The following CALB2 variants were observed in gnomAD, a reference collection of about 807,000 sequenced individuals.
CALB2 encodes the protein calretinin.
Under a neutral mutation model 45.9 loss-of-function variants are expected in CALB2, and 34 were observed. That is an observed-to-expected ratio of 0.74 (90% CI 0.56 to 0.99). The LOEUF (loss-of-function observed/expected upper bound fraction) is 0.99. Among genes scored for constraint, CALB2 ranks in the 50% least tolerant of loss-of-function variants. The pLI is 0.00. For missense variants in CALB2, 344 were observed against 339.3 expected (o/e 1.01, Z -0.11); for synonymous variants, 142 against 129.6 (o/e 1.10, Z -0.65).
chr16:71,374,026 A>C (rs541955993), intron 2 of CALB2, among the ~76,000 whole-genome samples: 1 of 152,342 alleles, frequency 6.6e-6, no homozygotes, highest in South Asian at 2.1e-4. Context: ...AGGTGGGCTC[A>C]TCATTGATTA....
intron 1 of CALB2, among the ~76,000 whole-genome samples, chr16:71,361,164 C>G (rs2042234860): frequency 6.6e-6 from 1 of 152,176 alleles, no homozygotes; most frequent in Non-Finnish European, 1.5e-5. Flanking sequence ...TCTTCCTTGT[C>G]CATCAGACTT....
At position 71,384,388 on chromosome 16, in the gene CALB2, T is replaced by C. The variant is rs41280904; in HGVS notation, c.573+10T>C. 0.17 allele frequency: 277,093 copies of C among 1,606,590 alleles called. 25,817 individuals carry two copies. The highest frequency in any genetic ancestry group is 0.2 in the Middle Eastern group (1,194 of 6,050). On this transcript the variant is annotated intron_variant, in intron 8 of 10. Transcript: ENST00000302628. ...CCTGCTTAAATTTCAGGTAAAACTT[T>C]GCTTTCCTTCCTTCCCCCTTCCCTC...
intron 4 of CALB2, among the ~76,000 whole-genome samples, chr16:71,378,480 T>C (rs8046005): frequency 0.29 from 44,179 of 151,760 alleles, 6,550 homozygotes; most frequent in South Asian, 0.39. Context: ...GATCAGGAGT[T>C]TGAGGCTGAA....
chr16:71,385,460 A>G, intron 9 of CALB2, 117 bp from the exon 10 acceptor site: 1 of 734,034 alleles, frequency 1.4e-6, no homozygotes, highest in Non-Finnish European at 2.2e-6. Flanking sequence ...CACGATCTGA[A>G]CACCCCCTTT....
At chr16:71,387,021 C>T (rs763527567) in intron 10 of CALB2, among the ~76,000 whole-genome samples, 14 of 152,102 alleles carry the variant, frequency 9.2e-5, no homozygotes, top group African/African-American at 3.1e-4. Flanking sequence ...TGTATGTGCC[C>T]GTATGTATCC....
intron 1 of CALB2, among the ~76,000 whole-genome samples, chr16:71,366,932 A>G (rs2042294074): frequency 6.6e-6 from 1 of 152,146 alleles, no homozygotes; most frequent in African/African-American, 2.4e-5. Context: ...GTCATAGAGC[A>G]GGCGGTAGAA....
intron 5 of CALB2, among the ~76,000 whole-genome samples, 198 bp downstream of exon 5, chr16:71,382,973 C>T (rs751682954): frequency 2.0e-5 from 3 of 152,158 alleles, no homozygotes; most frequent in Non-Finnish European, 4.4e-5. Flanking sequence ...TAGATTTCAA[C>T]GAAACCCAGC....
At chr16:71,377,606 T>C (rs2042432065) in intron 3 of CALB2, 61 bp from the exon 4 acceptor site, 1 of 1,205,278 alleles carries the variant, frequency 8.3e-7, no homozygotes. Flanking sequence ...TAGGGGAAAA[T>C]CTGCTCTGCT....
chr16:71,360,497 G>C (rs1567533002), intron 1 of CALB2, among the ~76,000 whole-genome samples: 1 of 152,184 alleles, frequency 6.6e-6, no homozygotes, highest in Admixed American at 6.5e-5. Context: ...CAGCCTTTTA[G>C]TATTCCAGAT....
chr16:71,379,945 C>T (rs1472721545), intron 4 of CALB2, among the ~76,000 whole-genome samples: 1 of 152,232 alleles, frequency 6.6e-6, no homozygotes, highest in Non-Finnish European at 1.5e-5. Context: ...AATTGACATT[C>T]TAGCTTCTGT....
At chr16:71,382,605 A>T in intron 4 of CALB2, 114 bp from the exon 5 acceptor site, 4 of 962,772 alleles carry the variant, frequency 4.2e-6, no homozygotes, top group South Asian at 1.5e-5. Context: ...TCTCCATCCC[A>T]TTCCGATATT....
At position 71,389,827 on chromosome 16, in the gene CALB2, G is replaced by A; in HGVS notation, c.778G>A (p.Asp260Asn). Residue 260 changes from aspartate to asparagine, a missense_variant, in exon 11 of 11, where the codon GAC becomes AAC. Asp to Asn is a conservative substitution (Grantham distance 23, BLOSUM62 1). This residue lies in a region of CALB2 where 263 missense variants were observed against 241.7 expected (regional missense o/e 1.09). Coordinates refer to ENST00000302628, the MANE Select transcript of CALB2 (RefSeq NM_001740.5). ...AGAGGCAGGGAAGCTCTACCGCAAG[G>A]ACCTGGAGATTGTGCTCTGCAGCGA... The part of the protein sequence containing the change: ...LAEAGKLYRK[D>N]LEIVLCSEPP... The A allele has an allele frequency of 6.2e-7, 1 of 1,614,010 alleles. No individual in the cohort carries two copies. Among genetic ancestry groups the A allele is most frequent in the Non-Finnish European group, 8.5e-7 (1 of 1,179,992 alleles).
chr16:71,365,319 A>G (rs542821147), intron 1 of CALB2, among the ~76,000 whole-genome samples: 2 of 152,238 alleles, frequency 1.3e-5, no homozygotes, highest in South Asian at 4.1e-4. Context: ...TCTCTAATCT[A>G]TGGACTGCGA....
At chr16:71,372,400 T>C (rs2042362824) in intron 2 of CALB2, among the ~76,000 whole-genome samples, 171 bp downstream of exon 2, 1 of 152,176 alleles carries the variant, frequency 6.6e-6, no homozygotes, top group Admixed American at 6.5e-5. Flanking sequence ...CCTATCTCAA[T>C]ATCCTTGGGT....
At position 71,389,824 on chromosome 16, in the gene CALB2, A is replaced by G. The variant is rs2042616257; in HGVS notation, c.775A>G (p.Lys259Glu). ...GGCAGAGGCAGGGAAGCTCTACCGC[A>G]AGGACCTGGAGATTGTGCTCTGCAG... ...SLAEAGKLYR[K>E]DLEIVLCSEP... The change falls in exon 11 of 11, where the codon AAG (lysine) becomes GAG (glutamate). Residue 259 changes from lysine to glutamate, a missense_variant. Transcript: ENST00000302628. 8.1e-6 allele frequency: 13 copies of G among 1,613,996 alleles called. No individual in the cohort carries two copies. The East Asian group carries it at 2.9e-4, about 36-fold the overall frequency.
intron 10 of CALB2, among the ~76,000 whole-genome samples, chr16:71,387,388 TGAGA>T (rs1299435828): frequency 6.6e-6 from 1 of 151,918 alleles, no homozygotes; most frequent in Non-Finnish European, 1.5e-5. Context: ...GCCTGAGGAT[TGAGA>T]GAGTGAATGA....
chr16:71,370,160 T>C (rs968354727), intron 1 of CALB2, among the ~76,000 whole-genome samples: 2 of 152,242 alleles, frequency 1.3e-5, no homozygotes, highest in Non-Finnish European at 2.9e-5. Flanking sequence ...ATTCGTGCCA[T>C]ACAATATTTA....
chr16:71,383,475 G>C (rs758582606), intron 6 of CALB2, 31 bp downstream of exon 6: 7 of 1,605,392 alleles, frequency 4.4e-6, no homozygotes, highest in African/African-American at 2.7e-5. Context: ...CTCTCCCCCA[G>C]GGTGCAGGAC....
At position 71,382,755 on chromosome 16, in the gene CALB2, A is replaced by G; in HGVS notation, c.379A>G (p.Ile127Val). 6.2e-7 allele frequency: 1 copy of G among 1,612,192 alleles called. No individual in the cohort carries two copies. The highest frequency in any genetic ancestry group is 8.5e-7 in the Non-Finnish European group (1 of 1,179,132). ...RKYDTDRSGYIEANELKGFLS... is the reference protein window; with the variant it reads ...RKYDTDRSGYVEANELKGFLS... ...GTACGACACAGACAGGAGTGGCTAC[A>G]TCGAAGCCAATGAGCTCAAGGTAGG... Residue 127 changes from isoleucine (I) to valine (V), a missense_variant, in exon 5 of 11, where the codon ATC becomes GTC. Around this residue, in one of 3 missense-constraint regions of CALB2, gnomAD observed 263 missense variants for 241.7 expected, o/e 1.09. Transcript: ENST00000302628.
Sources: gnomAD v4.1 joint callset for allele counts (sites outside exome capture counted in the v4.1 genomes callset) on GRCh38, gnomAD v4.1.1 for gene constraint, gnomAD v4.1.1 regional missense constraint, MANE v1.5 for transcripts, NCBI Gene and HGNC (gene_info 2026-07-23, HGNC 2026-07-21) for gene names.